Variants in PLGRKT observed in about 807,000 individuals in gnomAD.
PLGRKT encodes the protein plasminogen receptor (KT).
PLGRKT carries 22 observed loss-of-function variants against 18.5 expected under a neutral mutation model. That is an observed-to-expected ratio of 1.19 (90% CI 0.85 to 1.70). The LOEUF is 1.70. Ranked by LOEUF, PLGRKT falls within the 40% of genes most tolerant of loss-of-function variation. The pLI, the probability that PLGRKT is intolerant of heterozygous loss-of-function variation, is 0.00. For synonymous variants in PLGRKT, 72 were observed against 52.8 expected, an observed-to-expected ratio of 1.36 and a Z score of -1.58; for missense variants, 235 against 174.4, an observed-to-expected ratio of 1.35 and a Z score of -1.96.
At chr9:5,359,268 G>C (rs1455154728) in intron 5 of PLGRKT, among the ~76,000 whole-genome samples, 1 of 151,942 alleles carries the variant, frequency 6.6e-6, no homozygotes, top group Admixed American at 6.6e-5. Flanking sequence ...ATGTTGGACA[G>C]GCTGGTCTCA....
chr9:5,407,981 T>C (rs973759116), intron 3 of PLGRKT, among the ~76,000 whole-genome samples: 9 of 152,206 alleles, frequency 5.9e-5, no homozygotes, highest in South Asian at 2.1e-4. Flanking sequence ...AATCTGTATA[T>C]AGACAACTCT....
chr9:5,431,756 A>G (rs1267778266), intron 3 of PLGRKT, 141 bp downstream of exon 3: 1 of 583,954 alleles, frequency 1.7e-6, no homozygotes, highest in Non-Finnish European at 3.1e-6. Context: ...ATAATTAGTA[A>G]GCCATTTTAT....
chr9:5,429,015 G>A (rs1222824109), intron 3 of PLGRKT, among the ~76,000 whole-genome samples: 2 of 152,128 alleles, frequency 1.3e-5, no homozygotes, highest in African/African-American at 4.8e-5. Flanking sequence ...TGTATATTGT[G>A]ACTAGGTGGG....
intron 2 of PLGRKT, among the ~76,000 whole-genome samples, chr9:5,434,101 T>C (rs7862054): frequency 0.66 from 87,549 of 133,660 alleles, 28,132 homozygotes; most frequent in Non-Finnish European, 0.68. Flanking sequence ...TCTGCCCGGC[T>C]GCCACCCTGT....
intron 3 of PLGRKT, among the ~76,000 whole-genome samples, chr9:5,414,686 A>C (rs1818425737): frequency 6.6e-6 from 1 of 152,238 alleles, no homozygotes; most frequent in Admixed American, 6.5e-5. Context: ...TGAAGACAAA[A>C]GGAACATGCA....
At chr9:5,381,501 C>G (rs1019018677) in intron 3 of PLGRKT, among the ~76,000 whole-genome samples, 6 of 152,236 alleles carry the variant, frequency 3.9e-5, no homozygotes, top group African/African-American at 1.4e-4. Flanking sequence ...GCTTTGGGAA[C>G]CTCCACCTCA....
In PLGRKT at chr9:5,392,710, C is replaced by T. The variant is rs554242899; in HGVS notation, c.82-30822G>A. On this transcript the variant is annotated intron_variant, in intron 3 of 5. Transcript: ENST00000223864. ...TGGGTGATCATAAAATAAGAGAATA[C>T]ATAAAATGTTCAGACTAGTAACTGG... 4.6e-5 allele frequency: 7 copies of T among 151,914 alleles called. No homozygotes were observed. In the South Asian group the frequency reaches 1.5e-3, roughly 32 times the overall value. The allele number at this position is 151,914 out of a possible 1,614,324, so 9.4% of individuals were successfully genotyped here.
intron 3 of PLGRKT, among the ~76,000 whole-genome samples, chr9:5,368,008 G>C (rs1442453848): frequency 6.6e-6 from 1 of 152,026 alleles, no homozygotes; most frequent in African/African-American, 2.4e-5. Context: ...ACAATAATCA[G>C]GAAAATGTGA....
chr9:5,396,126 T>A (rs1340554333), intron 3 of PLGRKT, among the ~76,000 whole-genome samples: 1 of 151,558 alleles, frequency 6.6e-6, no homozygotes, highest in African/African-American at 2.4e-5. Context: ...ACTCCTGACC[T>A]GAGGTGATCA....
intron 3 of PLGRKT, among the ~76,000 whole-genome samples, chr9:5,405,522 T>G (rs1042332623): frequency 3.3e-5 from 5 of 152,214 alleles, no homozygotes; most frequent in African/African-American, 1.2e-4. Context: ...GGACTCCCTA[T>G]TTAATAAATG....
chr9:5,433,746 C>T (rs1461856255), intron 2 of PLGRKT, among the ~76,000 whole-genome samples: 5 of 134,084 alleles, frequency 3.7e-5, no homozygotes, highest in African/African-American at 5.9e-5. Context: ...ATGTGAGGAG[C>T]GCCTTTGCCC....
intron 3 of PLGRKT, among the ~76,000 whole-genome samples, chr9:5,391,883 C>T (rs1817955461): frequency 6.6e-6 from 1 of 151,920 alleles, no homozygotes; most frequent in Non-Finnish European, 1.5e-5. Flanking sequence ...CGCACCTCCC[C>T]TCCCTCATCC....
rs1473924963 is a variant in PLGRKT, at chr9:5,418,299, C to A, written c.81+13598G>T. The stretch of plus-strand genomic sequence containing the variant: ...TCAGTGTCGCCCCCTCATCTTCTCA[C>A]TGGGATCTCATCACCAATGTGCTCA... On this transcript the variant is annotated intron_variant, in intron 3 of 5. Coordinates refer to ENST00000223864, the MANE Select transcript of PLGRKT (RefSeq NM_018465.4). The surrounding 1 kb of genome is among the most constrained non-coding windows in gnomAD (Gnocchi z 4.2). The A allele has an allele frequency of 7.7e-6, 4 of 520,162 alleles. No homozygotes were observed. The highest frequency in any genetic ancestry group is 1.9e-5 in the African/African-American group (1 of 51,498). The allele number at this position is 520,162 out of a possible 1,614,324, so 32.2% of individuals were successfully genotyped here.
chr9:5,373,796 A>G (rs1338002841), intron 3 of PLGRKT, among the ~76,000 whole-genome samples: 1 of 152,148 alleles, frequency 6.6e-6, no homozygotes, highest in Non-Finnish European at 1.5e-5. Flanking sequence ...AAAAGAAGAA[A>G]AAAAAAAGAA....
intron 3 of PLGRKT, among the ~76,000 whole-genome samples, chr9:5,380,103 G>T (rs1286873157): frequency 6.6e-6 from 1 of 152,162 alleles, no homozygotes; most frequent in Non-Finnish European, 1.5e-5. Context: ...AGTGGCTCAT[G>T]CCTGTAATCC....
At chr9:5,405,146 T>C (rs758815548) in intron 3 of PLGRKT, among the ~76,000 whole-genome samples, 1 of 151,544 alleles carries the variant, frequency 6.6e-6, no homozygotes, top group African/African-American at 2.4e-5. Context: ...AGCAGATGGA[T>C]AGGAAGAATC....
intron 2 of PLGRKT, 39 bp from the exon 3 acceptor site, chr9:5,432,022 A>G: frequency 2.3e-6 from 2 of 851,554 alleles, no homozygotes; most frequent in Non-Finnish European, 4.0e-6. Flanking sequence ...ATAATAATAC[A>G]CTACATGCAT....
chr9:5,435,594 A>G (rs1487860603), intron 2 of PLGRKT, among the ~76,000 whole-genome samples: 6 of 152,368 alleles, frequency 3.9e-5, no homozygotes, highest in African/African-American at 1.2e-4. Flanking sequence ...TGTCTATCTT[A>G]TGTAAGTTTT....
intron 3 of PLGRKT, among the ~76,000 whole-genome samples, chr9:5,389,485 T>C (rs902710602): frequency 2.0e-5 from 3 of 152,038 alleles, no homozygotes; most frequent in Middle Eastern, 3.4e-3. Context: ...AAAAATGCCA[T>C]GTGCTTTGAG....
Sources: allele counts gnomAD v4.1 joint callset (sites outside exome capture counted in the v4.1 genomes callset), GRCh38; gene constraint gnomAD v4.1.1; non-coding constraint Gnocchi (gnomAD v3.1); transcripts MANE v1.5; gene names NCBI Gene and HGNC (gene_info 2026-07-23, HGNC 2026-07-21).